SLC39A12: variants seen among roughly 807,000 people sequenced by gnomAD.
SLC39A12 encodes the protein zinc transporter ZIP12.
In SLC39A12, 63 loss-of-function variants were observed where a neutral mutation model predicts 71.1. The observed-to-expected ratio is 0.89, with a 90% CI of 0.72 to 1.09. SLC39A12 has a LOEUF of 1.09. Ranked by LOEUF, SLC39A12 falls within the 50% of genes least tolerant of loss-of-function variation. SLC39A12 has a pLI of 0.00. For missense variants in SLC39A12, 892 were observed against 812.6 expected (o/e 1.10, Z -1.19); for synonymous variants, 351 against 301.3 (o/e 1.16, Z -1.71).
Position 17,953,325 on chromosome 10 carries a change from C to T in SLC39A12, c.49C>T (p.Leu17=), listed in dbSNP as rs138040284. Reference sequence around the variant, plus strand: ...AGTATCCTGGGTGCCATTGTTTCTTCTACTCAGCCGTGTTTTTTCTACTGA... The same window carrying T: ...AGTATCCTGGGTGCCATTGTTTCTTTTACTCAGCCGTGTTTTTTCTACTGA... The part of the protein sequence containing the change: ...LSVSWVPLFL[L]LSRVFSTETD... The change falls in exon 2 of 13, where the codon CTA becomes TTA. Residue 17 remains leucine, a synonymous_variant. Coordinates refer to ENST00000377369, the MANE Select transcript of SLC39A12 (RefSeq NM_001145195.2). 47 of 1,614,204 alleles carry T rather than the reference C, an allele frequency of 2.9e-5. No individual in the cohort carries two copies. In the African/African-American group the frequency reaches 5.7e-4, roughly 20 times the overall value.
At chr10:17,973,112 A>C (rs11592271) in intron 4 of SLC39A12, among the ~76,000 whole-genome samples, 14,786 of 152,154 alleles carry the variant, frequency 0.097, 734 homozygotes, top group African/African-American at 0.12. Context: ...AGCAAAAAGA[A>C]CATTAATAAA....
intron 4 of SLC39A12, among the ~76,000 whole-genome samples, chr10:17,968,342 C>T (rs1213738233): frequency 1.3e-5 from 2 of 152,056 alleles, no homozygotes; most frequent in Admixed American, 1.3e-4. Flanking sequence ...GTAGTATTTT[C>T]TCATTAAGTT....
At chr10:18,034,746 T>C (rs1198260946) in intron 12 of SLC39A12, among the ~76,000 whole-genome samples, 2 of 151,728 alleles carry the variant, frequency 1.3e-5, no homozygotes, top group African/African-American at 4.8e-5. Flanking sequence ...CTAGTCTCGA[T>C]GGTCTTTACA....
intron 12 of SLC39A12, among the ~76,000 whole-genome samples, chr10:18,038,271 C>A (rs1390239836): frequency 6.6e-6 from 1 of 151,968 alleles, no homozygotes; most frequent in East Asian, 1.9e-4. Context: ...CACTGACTCT[C>A]ATAAAAGATG....
At chr10:18,039,102 T>C (rs1463393793) in intron 12 of SLC39A12, among the ~76,000 whole-genome samples, 3 of 152,230 alleles carry the variant, frequency 2.0e-5, no homozygotes, top group African/African-American at 7.2e-5. Context: ...ACACTTCTAC[T>C]GTGTACTTTA....
chr10:17,958,851 T>C (rs1834614551), intron 2 of SLC39A12, among the ~76,000 whole-genome samples: 1 of 152,184 alleles, frequency 6.6e-6, no homozygotes, highest in Admixed American at 6.5e-5. Context: ...ATCAAATATT[T>C]AGAAATATTT....
chr10:17,961,903 A>G, intron 3 of SLC39A12, 41 bp downstream of exon 3: 3 of 1,572,284 alleles, frequency 1.9e-6, no homozygotes, highest in East Asian at 2.2e-5. Flanking sequence ...CTGCTAAGAT[A>G]CAGTTCTAGA....
chr10:18,005,154 G>A (rs1466111318), intron 12 of SLC39A12, among the ~76,000 whole-genome samples: 1 of 152,014 alleles, frequency 6.6e-6, no homozygotes, highest in African/African-American at 2.4e-5. Flanking sequence ...GGGTTGATAG[G>A]TGCAGCAAAC....
intron 12 of SLC39A12, among the ~76,000 whole-genome samples, chr10:18,029,590 T>A (rs984020236): frequency 5.9e-5 from 9 of 152,208 alleles, no homozygotes; most frequent in African/African-American, 2.2e-4. Context: ...ACACTTCTGC[T>A]AAAATGTCCT....
intron 2 of SLC39A12, among the ~76,000 whole-genome samples, chr10:17,961,266 G>A (rs982479726): frequency 5.3e-5 from 8 of 152,112 alleles, no homozygotes; most frequent in African/African-American, 1.4e-4. Context: ...CAAGGAATTC[G>A]GATTTTATTC....
chr10:18,024,261 C>T (rs1046485653), intron 12 of SLC39A12, among the ~76,000 whole-genome samples: 1 of 152,076 alleles, frequency 6.6e-6, no homozygotes, highest in African/African-American at 2.4e-5. Flanking sequence ...CAGCTGGTGC[C>T]ATGGTGTTCA....
intron 12 of SLC39A12, among the ~76,000 whole-genome samples, chr10:18,011,939 A>G (rs2130862212): frequency 6.6e-6 from 1 of 152,340 alleles, no homozygotes; most frequent in East Asian, 1.9e-4. Context: ...TTTTAAAACA[A>G]CCTTGAGAAT....
chr10:18,028,980 A>G (rs1836759214), intron 12 of SLC39A12, among the ~76,000 whole-genome samples: 1 of 152,052 alleles, frequency 6.6e-6, no homozygotes, highest in Non-Finnish European at 1.5e-5. Context: ...TCAGCCTCCC[A>G]AAGTGCTGGG....
chr10:18,015,172 G>C (rs900393172), intron 12 of SLC39A12, among the ~76,000 whole-genome samples: 1 of 152,060 alleles, frequency 6.6e-6, no homozygotes, highest in East Asian at 1.9e-4. Context: ...AGATTATTAG[G>C]TTGGGCAAAA....
intron 4 of SLC39A12, among the ~76,000 whole-genome samples, chr10:17,968,542 G>T (rs1429663541): frequency 6.6e-6 from 1 of 152,072 alleles, no homozygotes; most frequent in East Asian, 1.9e-4. Context: ...AGGTCTGCTA[G>T]CAATAAATTC....
At chr10:18,039,896 A>T (rs558931826) in intron 12 of SLC39A12, among the ~76,000 whole-genome samples, 47 of 152,318 alleles carry the variant, frequency 3.1e-4, no homozygotes, top group African/African-American at 1.1e-3. Context: ...ATTAATATCA[A>T]GGCATTTAGA....
chr10:17,995,793 A>G, intron 10 of SLC39A12, 71 bp downstream of exon 10: 1 of 1,355,190 alleles, frequency 7.4e-7, no homozygotes, highest in South Asian at 1.3e-5. Flanking sequence ...TTAAAATAAA[A>G]TGTCAAAACT....
Position 18,036,638 on chromosome 10 carries a change from C to G in SLC39A12, c.1948-6067C>G, listed in dbSNP as rs2488129. ...GTCGCTCACGCTGGGAGCTGTAGAC[C>G]GGAGCTGTTCCTATTCGGCCATCTT... On this transcript the variant is annotated intron_variant, in intron 12 of 12. Transcript: ENST00000377369. Among the ~76,000 whole-genome samples, 89 of 150,556 alleles carry G rather than the reference C, an allele frequency of 5.9e-4. No homozygotes were observed. The Middle Eastern group carries it at 0.024, about 41-fold the overall frequency.
In SLC39A12 at chr10:17,953,346, A is replaced by C. The variant is rs782719142; in HGVS notation, c.70A>C (p.Thr24Pro). 1.2e-6 allele frequency: 2 copies of C among 1,614,002 alleles called. No individual in the cohort carries two copies. Among genetic ancestry groups the C allele is most frequent in the South Asian group, 2.2e-5 (2 of 91,080 alleles). Residue 24 changes from threonine (T) to proline (P), a missense_variant, in exon 2 of 13, where the codon ACT (threonine) becomes CCT (proline). By Grantham distance (38) the Thr-to-Pro change is conservative. Coordinates refer to ENST00000377369, the MANE Select transcript of SLC39A12 (RefSeq NM_001145195.2). ...LFLLLSRVFS[T>P]ETDKPSAQDS... ...TCTTCTACTCAGCCGTGTTTTTTCTACTGAGACAGACAAACCCTCAGCCCA... is the reference window on the plus strand; with the variant it reads ...TCTTCTACTCAGCCGTGTTTTTTCTCCTGAGACAGACAAACCCTCAGCCCA...
Sources: allele counts gnomAD v4.1 joint callset (sites outside exome capture counted in the v4.1 genomes callset), GRCh38; gene constraint gnomAD v4.1.1; transcripts MANE v1.5; gene names NCBI Gene and HGNC (gene_info 2026-07-23, HGNC 2026-07-21).